The following NALF1 variants were observed in gnomAD, a reference collection of about 807,000 sequenced individuals.
The protein encoded by NALF1 is family with sequence similarity 155 member A.
NALF1 carries 3 observed loss-of-function variants against 48.4 expected under a neutral mutation model. The ratio of observed to expected loss-of-function variants is 0.06; its 90% confidence interval spans 0.03 to 0.16. The LOEUF (loss-of-function observed/expected upper bound fraction) is 0.16. Ranked by LOEUF, NALF1 falls within the 10% of genes least tolerant of loss-of-function variation. The pLI is 1.00. For missense variants in NALF1, 526 were observed against 571.5 expected (o/e 0.92, Z 0.81); for synonymous variants, 262 against 245.7 (o/e 1.07, Z -0.62).
intron 1 of NALF1, among the ~76,000 whole-genome samples, chr13:107,648,792 C>A (rs1294644385): frequency 1.3e-5 from 2 of 152,166 alleles, no homozygotes; most frequent in Non-Finnish European, 2.9e-5. Context: ...ATTTTGCATT[C>A]TCCCTAGCAG....
Position 107,734,313 on chromosome 13 carries a change from C to A in NALF1, c.915+131369G>T, listed in dbSNP as rs554444233. Reference sequence around the variant, plus strand: ...ATCAGCCGGTATTAGCCAATGAATTCTACAATGTAACTTTGGGAAAGGTCA... The same window carrying A: ...ATCAGCCGGTATTAGCCAATGAATTATACAATGTAACTTTGGGAAAGGTCA... On this transcript the variant is annotated intron_variant, in intron 1 of 2. Coordinates refer to ENST00000375915, the MANE Select transcript of NALF1 (RefSeq NM_001080396.3). 2.6e-5 allele frequency among the ~76,000 whole-genome samples: 4 copies of A among 151,954 alleles called. No homozygotes were observed. The East Asian group carries it at 7.8e-4, about 29-fold the overall frequency.
At chr13:107,396,691 T>C (rs1275455977) in intron 1 of NALF1, among the ~76,000 whole-genome samples, 2 of 152,158 alleles carry the variant, frequency 1.3e-5, no homozygotes, top group African/African-American at 2.4e-5. Flanking sequence ...CTGAAAGAAC[T>C]GTAGGGCTGT....
chr13:107,726,388 AATTAT>A (rs1197211612), intron 1 of NALF1, among the ~76,000 whole-genome samples: 2 of 152,060 alleles, frequency 1.3e-5, no homozygotes, highest in Non-Finnish European at 2.9e-5. Context: ...AAGCCAAGTA[AATTAT>A]ATTATGCTGT....
intron 1 of NALF1, among the ~76,000 whole-genome samples, chr13:107,532,762 T>C (rs1876680671): frequency 6.6e-6 from 1 of 152,082 alleles, no homozygotes; most frequent in African/African-American, 2.4e-5. Flanking sequence ...TTCTCAAGAA[T>C]GTTAATTTTC....
chr13:107,342,232 C>T (rs1347584854), intron 1 of NALF1, among the ~76,000 whole-genome samples: 1 of 151,972 alleles, frequency 6.6e-6, no homozygotes, highest in Non-Finnish European at 1.5e-5. Flanking sequence ...GTGGTAATGG[C>T]AAGAGCTAAT....
chr13:107,483,672 T>G (rs909666627), intron 1 of NALF1, among the ~76,000 whole-genome samples: 28 of 152,224 alleles, frequency 1.8e-4, no homozygotes, highest in Middle Eastern at 3.4e-3. Context: ...TCTTATTAGA[T>G]GTGAATAAGA....
chr13:107,227,856 T>G (rs2138821694), intron 1 of NALF1, among the ~76,000 whole-genome samples: 1 of 152,368 alleles, frequency 6.6e-6, no homozygotes, highest in East Asian at 1.9e-4. Flanking sequence ...ATGAAGTAAC[T>G]ATATACATAT....
At chr13:107,750,804 G>A (rs556540308) in intron 1 of NALF1, among the ~76,000 whole-genome samples, 30 of 152,134 alleles carry the variant, frequency 2.0e-4, no homozygotes, top group African/African-American at 4.1e-4. Context: ...ACTAATAGAC[G>A]TTAAAGTTGA....
At chr13:107,737,162 G>C (rs938568501) in intron 1 of NALF1, among the ~76,000 whole-genome samples, 2 of 152,126 alleles carry the variant, frequency 1.3e-5, no homozygotes, top group African/African-American at 4.8e-5. Flanking sequence ...ATAGGATAGA[G>C]AAACACCAGT....
chr13:107,416,714 G>A (rs1009670711), intron 1 of NALF1, among the ~76,000 whole-genome samples: 1 of 152,182 alleles, frequency 6.6e-6, no homozygotes, highest in Non-Finnish European at 1.5e-5. Context: ...GTTACATGCA[G>A]ATTTCTGAGG....
intron 1 of NALF1, among the ~76,000 whole-genome samples, chr13:107,245,633 A>G (rs2138839177): frequency 6.6e-6 from 1 of 152,356 alleles, no homozygotes; most frequent in African/African-American, 2.4e-5. Flanking sequence ...AATGTTTGCC[A>G]TAAGAGGCTG....
At chr13:107,769,236 C>T (rs890785796) in intron 1 of NALF1, among the ~76,000 whole-genome samples, 2 of 148,854 alleles carry the variant, frequency 1.3e-5, no homozygotes, top group African/African-American at 5.0e-5. Flanking sequence ...AAGACACATG[C>T]ACACGTATGT....
intron 1 of NALF1, among the ~76,000 whole-genome samples, chr13:107,850,969 A>G (rs1880299106): frequency 6.6e-6 from 1 of 152,176 alleles, no homozygotes; most frequent in Non-Finnish European, 1.5e-5. Flanking sequence ...TTTGAACTAT[A>G]TGACCTGCCT....
chr13:107,492,567 G>A (rs868627584), intron 1 of NALF1, among the ~76,000 whole-genome samples: 2 of 152,112 alleles, frequency 1.3e-5, no homozygotes, highest in Non-Finnish European at 2.9e-5. Context: ...TTACTCAACA[G>A]CTTGCTATGA....
rs1169535351 is a variant in NALF1, at chr13:107,325,845, CACACACACACATATATATAT to C, written c.916-115110_916-115091del. 1.6e-3 allele frequency among the ~76,000 whole-genome samples: 71 copies of C among 44,068 alleles called. 2 individuals are homozygous for C. Among genetic ancestry groups the C allele is most frequent in the South Asian group, 0.011 (11 of 978 alleles). 28.9% of individuals were successfully genotyped at this position (44,068 alleles called of 152,430 possible). A position where few individuals can be genotyped will look rare whatever the true frequency, so the allele number is the denominator to read the frequency against. On this transcript the variant is annotated intron_variant, in intron 1 of 2. Coordinates refer to ENST00000375915, the MANE Select transcript of NALF1 (RefSeq NM_001080396.3). ...ATGAGAGAGAAACTGTGTCTCAACACACACACACACATATATATATATATATATATATATATATATATACA... is the reference window on the plus strand; with the variant it reads ...ATGAGAGAGAAACTGTGTCTCAACACATATATATATATATATATATATACA...
At chr13:107,691,433 C>G (rs16970925) in intron 1 of NALF1, among the ~76,000 whole-genome samples, 1 of 152,198 alleles carries the variant, frequency 6.6e-6, no homozygotes, top group African/African-American at 2.4e-5. Context: ...ATGATCGATA[C>G]GGACTGAATC....
At chr13:107,639,846 T>C (rs1374428979) in intron 1 of NALF1, among the ~76,000 whole-genome samples, 1 of 152,190 alleles carries the variant, frequency 6.6e-6, no homozygotes, top group African/African-American at 2.4e-5. Flanking sequence ...AGTGTTATTA[T>C]GAGTGATATT....
At chr13:107,304,937 T>C (rs1007963671) in intron 1 of NALF1, among the ~76,000 whole-genome samples, 1 of 152,050 alleles carries the variant, frequency 6.6e-6, no homozygotes, top group Non-Finnish European at 1.5e-5. Flanking sequence ...GGAGGTCTTA[T>C]TGGAGTCTTT....
chr13:107,597,429 A>G (rs983668524), intron 1 of NALF1, among the ~76,000 whole-genome samples: 4 of 152,154 alleles, frequency 2.6e-5, no homozygotes, highest in African/African-American at 4.8e-5. Context: ...CATCTCCCAC[A>G]TAATTACTTT....
Sources: allele counts gnomAD v4.1 joint callset (sites outside exome capture counted in the v4.1 genomes callset), GRCh38; gene constraint gnomAD v4.1.1; transcripts MANE v1.5; gene names NCBI Gene and HGNC (gene_info 2026-07-23, HGNC 2026-07-21).